Variants in WDFY2 observed in about 807,000 individuals in gnomAD.
WDFY2 encodes the protein WD repeat and FYVE domain-containing protein 2.
In WDFY2, 36 loss-of-function variants were observed where a neutral mutation model predicts 56.4. The observed-to-expected ratio is 0.64, with a 90% CI of 0.49 to 0.84. WDFY2 has a LOEUF of 0.84. WDFY2 is among the 40% of genes least tolerant of loss of function. The pLI, the probability that WDFY2 is intolerant of heterozygous loss-of-function variation, is 0.00. For missense variants in WDFY2, 444 were observed against 512.2 expected, an observed-to-expected ratio of 0.87 and a Z score of 1.29; for synonymous variants, 176 against 183.7, an observed-to-expected ratio of 0.96 and a Z score of 0.34.
chr13:51,605,063 A>G (rs999706980), intron 1 of WDFY2, among the ~76,000 whole-genome samples: 19 of 152,244 alleles, frequency 1.2e-4, no homozygotes, highest in African/African-American at 4.3e-4. Flanking sequence ...AAATAGGTAG[A>G]ATGAAAAGAG....
chr13:51,716,509 G>A (rs1952349886), intron 4 of WDFY2, among the ~76,000 whole-genome samples: 1 of 151,342 alleles, frequency 6.6e-6, no homozygotes, highest in Non-Finnish European at 1.5e-5. Flanking sequence ...CGGCTAAAAC[G>A]GTGAAACCCC....
intron 3 of WDFY2, among the ~76,000 whole-genome samples, chr13:51,697,180 G>A (rs909093023): frequency 6.6e-6 from 1 of 152,036 alleles, no homozygotes; most frequent in Non-Finnish European, 1.5e-5. Flanking sequence ...AAACTGTTTA[G>A]AAAAAATATT....
At chr13:51,585,990 C>G (rs148377453) in intron 1 of WDFY2, 6 of 398,462 alleles carry the variant, frequency 1.5e-5, no homozygotes, top group African/African-American at 1.2e-4. Flanking sequence ...ACATCATGCT[C>G]AATACAAATG....
At chr13:51,648,656 A>T (rs1027156085) in intron 1 of WDFY2, among the ~76,000 whole-genome samples, 12 of 152,212 alleles carry the variant, frequency 7.9e-5, no homozygotes, top group Non-Finnish European at 1.5e-4. Flanking sequence ...GTCAGTAGGT[A>T]CAGCAGACTA....
intron 1 of WDFY2, among the ~76,000 whole-genome samples, chr13:51,646,446 C>T (rs961426276): frequency 6.6e-6 from 1 of 152,220 alleles, no homozygotes; most frequent in Non-Finnish European, 1.5e-5. Context: ...CCCCACGTGC[C>T]CCTATCACAG....
chr13:51,706,329 T>G (rs1019664600), intron 4 of WDFY2, among the ~76,000 whole-genome samples: 4 of 152,172 alleles, frequency 2.6e-5, no homozygotes, highest in Non-Finnish European at 5.9e-5. Flanking sequence ...ATATAATCTG[T>G]CATTGCAGCT....
At chr13:51,706,503 A>C (rs1367582197) in intron 4 of WDFY2, among the ~76,000 whole-genome samples, 1 of 152,238 alleles carries the variant, frequency 6.6e-6, no homozygotes, top group African/African-American at 2.4e-5. Context: ...AAAAAGAGGA[A>C]CAAGACTTTC....
At chr13:51,666,819 G>A (rs1418939710) in intron 2 of WDFY2, among the ~76,000 whole-genome samples, 1 of 152,108 alleles carries the variant, frequency 6.6e-6, no homozygotes. Flanking sequence ...CATTTCAAAT[G>A]GTAGGTAATA....
At chr13:51,736,261 T>G (rs956597872) in intron 6 of WDFY2, among the ~76,000 whole-genome samples, 1 of 152,218 alleles carries the variant, frequency 6.6e-6, no homozygotes, top group Non-Finnish European at 1.5e-5. Flanking sequence ...TAGGTACTAT[T>G]ATCATCCCTG....
chr13:51,682,470 T>C (rs1955995560), intron 3 of WDFY2, among the ~76,000 whole-genome samples: 1 of 152,174 alleles, frequency 6.6e-6, no homozygotes, highest in Non-Finnish European at 1.5e-5. Context: ...TCTGTAAATA[T>C]TTATAGACTG....
chr13:51,694,138 A>G (rs551328974), intron 3 of WDFY2, among the ~76,000 whole-genome samples: 15 of 152,202 alleles, frequency 9.9e-5, no homozygotes, highest in East Asian at 5.8e-4. Context: ...TCTTTATCCA[A>G]TTTGCCAGTC....
At chr13:51,722,411 T>G (rs1952511532) in intron 5 of WDFY2, among the ~76,000 whole-genome samples, 1 of 152,174 alleles carries the variant, frequency 6.6e-6, no homozygotes, top group Non-Finnish European at 1.5e-5. Context: ...TCAAATTCTT[T>G]GATTGTTTTG....
chr13:51,722,550 T>C (rs1952514273), intron 5 of WDFY2, among the ~76,000 whole-genome samples: 1 of 152,170 alleles, frequency 6.6e-6, no homozygotes, highest in South Asian at 2.1e-4. Flanking sequence ...GAAAATGTCT[T>C]AGATTTTCAG....
chr13:51,645,705 C>T (rs540253673), intron 1 of WDFY2, among the ~76,000 whole-genome samples: 2 of 152,340 alleles, frequency 1.3e-5, no homozygotes, highest in Admixed American at 1.3e-4. Context: ...TTCTGCCTCT[C>T]TGCTGGCTTG....
intron 2 of WDFY2, among the ~76,000 whole-genome samples, chr13:51,664,764 T>C (rs1041697431): frequency 2.0e-5 from 3 of 152,210 alleles, no homozygotes; most frequent in African/African-American, 7.2e-5. Flanking sequence ...CTGTGATCTT[T>C]AATGAGAAAG....
At chr13:51,692,851 G>T (rs1163691074) in intron 3 of WDFY2, among the ~76,000 whole-genome samples, 3 of 152,090 alleles carry the variant, frequency 2.0e-5, no homozygotes, top group African/African-American at 7.2e-5. Flanking sequence ...GTAAGCTATT[G>T]ATTATTGCCA....
intron 1 of WDFY2, among the ~76,000 whole-genome samples, chr13:51,617,465 T>A (rs1037963589): frequency 2.6e-5 from 4 of 152,150 alleles, no homozygotes; most frequent in Admixed American, 2.6e-4. Context: ...CTTATTATGA[T>A]GTTCATCATT....
chr13:51,745,973 C>CTTTTTTTTTTTTTTTT (rs59572351), intron 7 of WDFY2, among the ~76,000 whole-genome samples: 9 of 100,754 alleles, frequency 8.9e-5, no homozygotes, highest in Non-Finnish European at 1.3e-4. Flanking sequence ...TTTTCTTTTT[C>CTTTTTTTTTTTTTTTT]TTTTTTTTTT....
chr13:51,737,519 T>G (rs1216725454), intron 6 of WDFY2, among the ~76,000 whole-genome samples: 1 of 131,668 alleles, frequency 7.6e-6, no homozygotes, highest in Non-Finnish European at 1.5e-5. Context: ...CTCCTAGAGC[T>G]TCTATTCTAC....
Sources: allele counts gnomAD v4.1 joint callset (sites outside exome capture counted in the v4.1 genomes callset), GRCh38; gene constraint gnomAD v4.1.1; transcripts MANE v1.5; gene names NCBI Gene and HGNC (gene_info 2026-07-23, HGNC 2026-07-21).